CFAP44: variants seen among roughly 807,000 people sequenced by gnomAD.
CFAP44 encodes cilia- and flagella-associated protein 44.
In CFAP44, 134 loss-of-function variants were observed where a neutral mutation model predicts 216.2. That is an observed-to-expected ratio of 0.62 (90% CI 0.54 to 0.72). The LOEUF is 0.72. Ranked by LOEUF, CFAP44 falls within the 30% of genes least tolerant of loss-of-function variation. The pLI, the probability that CFAP44 is intolerant of heterozygous loss-of-function variation, is 0.00. For synonymous variants in CFAP44, 700 were observed against 727.6 expected (o/e 0.96, Z 0.61); for missense variants, 2,035 against 2,182.1 (o/e 0.93, Z 1.34).
intron 32 of CFAP44, among the ~76,000 whole-genome samples, chr3:113,301,843 T>C (rs371387551): frequency 2.6e-5 from 4 of 152,342 alleles, no homozygotes; most frequent in East Asian, 3.9e-4. Flanking sequence ...ACTATAGTCA[T>C]CATAGTATAC....
chr3:113,367,833 A>G (rs529492102), intron 18 of CFAP44, among the ~76,000 whole-genome samples: 2 of 152,050 alleles, frequency 1.3e-5, no homozygotes, highest in East Asian at 3.9e-4. Context: ...AGAAGCTAAA[A>G]ACCTTGAAAA....
rs60866565 is a variant in CFAP44, at chr3:113,302,457, T to TAA, written c.5077+1457_5077+1458dup. 1.3e-3 allele frequency among the ~76,000 whole-genome samples: 99 copies of TAA among 75,770 alleles called. 3 individuals are homozygous for TAA. Among genetic ancestry groups the TAA allele is most frequent in the South Asian group, 6.0e-3 (13 of 2,172 alleles). 49.7% of individuals were successfully genotyped at this position (75,770 alleles called of 152,430 possible). Reference sequence around the variant, plus strand: ...GTATCCAAAGATACACTAGACAAAGTAAAAAAAAAAAAAAAAAAAAAAAGA... The same window carrying TAA: ...GTATCCAAAGATACACTAGACAAAGTAAAAAAAAAAAAAAAAAAAAAAAAAGA... On this transcript the variant is annotated intron_variant, in intron 32 of 34. Transcript: ENST00000393845.
In CFAP44 at chr3:113,287,033, G is replaced by A. The variant is rs1368762948; in HGVS notation, c.*4524C>T. The A allele has an allele frequency of 2.5e-6, 2 of 806,452 alleles. No homozygotes were observed. Among genetic ancestry groups the A allele is most frequent in the Non-Finnish European group, 2.0e-6 (1 of 498,274 alleles). The allele number at this position is 806,452 out of a possible 1,614,324, so 50.0% of individuals were successfully genotyped here. On this transcript the variant is annotated 3_prime_UTR_variant, in exon 35 of 35. Coordinates refer to ENST00000393845, the MANE Select transcript of CFAP44 (RefSeq NM_001164496.2). ...TTATAATTCTGGAGAGACATAAGGAGTCCTACCCGTTGAGGTTGGAGAGGG... is the reference window on the plus strand; with the variant it reads ...TTATAATTCTGGAGAGACATAAGGAATCCTACCCGTTGAGGTTGGAGAGGG...
chr3:113,343,435 T>C (rs1950353963), intron 23 of CFAP44, among the ~76,000 whole-genome samples: 1 of 152,204 alleles, frequency 6.6e-6, no homozygotes, highest in South Asian at 2.1e-4. Context: ...TTAAATAATA[T>C]GAGATATTTA....
At chr3:113,396,811 A>G (rs1316507213) in intron 13 of CFAP44, 84 bp from the exon 14 acceptor site, 2 of 1,354,208 alleles carry the variant, frequency 1.5e-6, no homozygotes, top group South Asian at 1.4e-5. Flanking sequence ...ATTTAGACTC[A>G]GGTAATTTAA....
At chr3:113,318,495 A>G (rs1241502134) in intron 28 of CFAP44, among the ~76,000 whole-genome samples, 1 of 152,224 alleles carries the variant, frequency 6.6e-6, no homozygotes, top group Non-Finnish European at 1.5e-5. Context: ...CAACTTGGAA[A>G]ATATATTTGA....
chr3:113,330,716 T>C, intron 25 of CFAP44, 48 bp from the exon 26 acceptor site: 1 of 1,480,752 alleles, frequency 6.8e-7, no homozygotes, highest in East Asian at 2.5e-5. Context: ...CTCTGACAAA[T>C]AACTGTATGG....
chr3:113,335,477 T>C (rs1438650037), intron 24 of CFAP44, among the ~76,000 whole-genome samples: 2 of 152,180 alleles, frequency 1.3e-5, no homozygotes, highest in African/African-American at 2.4e-5. Flanking sequence ...CCTTAACATT[T>C]TGGCTGAGTA....
At chr3:113,363,604 G>C (rs377303253) in intron 19 of CFAP44, 72 bp from the exon 20 acceptor site, 2 of 1,338,860 alleles carry the variant, frequency 1.5e-6, no homozygotes, top group African/African-American at 3.0e-5. Context: ...CTAGGAAGAA[G>C]TAAATTAAAA....
intron 24 of CFAP44, among the ~76,000 whole-genome samples, chr3:113,341,254 C>T (rs1422712412): frequency 2.0e-5 from 3 of 152,192 alleles, no homozygotes; most frequent in Admixed American, 6.5e-5. Flanking sequence ...CCCGGGACCA[C>T]GCCTTTCGCT....
chr3:113,341,757 C>CT lies in CFAP44; in HGVS notation c.3423dup (p.Glu1142ArgfsTer9). On this transcript the variant is annotated frameshift_variant, in exon 24 of 35. Coordinates refer to ENST00000393845, the MANE Select transcript of CFAP44 (RefSeq NM_001164496.2). LOFTEE classifies it high-confidence loss of function. ...AAAAAAACTCACAGTTCCTCCCATTCTTTTTTTCGCTGTTGAATCTTTAGT... is the reference window on the plus strand; with the variant it reads ...AAAAAAACTCACAGTTCCTCCCATTCTTTTTTTTCGCTGTTGAATCTTTAGT... 6.7e-7 allele frequency: 1 copy of CT among 1,485,766 alleles called. No homozygotes were observed. Among genetic ancestry groups the CT allele is most frequent in the Non-Finnish European group, 8.8e-7 (1 of 1,130,354 alleles). The allele number at this position is 1,485,766 out of a possible 1,614,324, so 92.0% of individuals were successfully genotyped here. A position where few individuals can be genotyped will look rare whatever the true frequency, so the allele number is the denominator to read the frequency against.
At chr3:113,353,453 T>TACAC (rs34714015) in intron 22 of CFAP44, among the ~76,000 whole-genome samples, 1,956 of 141,786 alleles carry the variant, frequency 0.014, 31 homozygotes, top group East Asian at 0.079. Context: ...TATGTATGAA[T>TACAC]ACACACACAC....
At chr3:113,358,526 TG>T (rs1384443537) in intron 22 of CFAP44, among the ~76,000 whole-genome samples, 1 of 152,178 alleles carries the variant, frequency 6.6e-6, no homozygotes, top group Non-Finnish European at 1.5e-5. Context: ...ATTTTTAAAA[TG>T]TAAGTGTTAA....
intron 28 of CFAP44, among the ~76,000 whole-genome samples, chr3:113,308,552 A>G (rs1401154359): frequency 6.6e-6 from 1 of 152,120 alleles, no homozygotes; most frequent in Admixed American, 6.5e-5. Context: ...CCTAACTCAT[A>G]AGATGCTCTA....
chr3:113,423,105 C>CTTTTTTTTTT (rs72395986), intron 4 of CFAP44, among the ~76,000 whole-genome samples: 12 of 79,160 alleles, frequency 1.5e-4, no homozygotes, highest in East Asian at 4.2e-4. Context: ...CTGATCCTTC[C>CTTTTTTTTTT]TTTTTTTTTT....
chr3:113,293,977 C>T (rs1165239078), intron 34 of CFAP44: 1 of 456,522 alleles, frequency 2.2e-6, no homozygotes. Context: ...CCAGGTGATG[C>T]TGATGCTCTT....
At chr3:113,344,826 C>T (rs1407659395) in intron 22 of CFAP44, 114 bp from the exon 23 acceptor site, 16 of 1,026,902 alleles carry the variant, frequency 1.6e-5, no homozygotes, top group Non-Finnish European at 1.6e-5. Context: ...TTATATTGTG[C>T]TAGACTCAAA....
chr3:113,332,362 C>T (rs1950247723), intron 25 of CFAP44, among the ~76,000 whole-genome samples: 1 of 152,144 alleles, frequency 6.6e-6, no homozygotes. Context: ...ATTGCCAAGC[C>T]AGGACCCTTG....
chr3:113,335,702 C>T (rs565789885), intron 24 of CFAP44, among the ~76,000 whole-genome samples: 1 of 152,220 alleles, frequency 6.6e-6, no homozygotes, highest in Admixed American at 6.5e-5. Context: ...GAGAGAAAGG[C>T]ATAGAAGATA....
Sources: gnomAD v4.1 joint callset for allele counts (sites outside exome capture counted in the v4.1 genomes callset) on GRCh38, gnomAD v4.1.1 for gene constraint, MANE v1.5 for transcripts, NCBI Gene and HGNC (gene_info 2026-07-23, HGNC 2026-07-21) for gene names.